The following ANKMY1 variants were observed in gnomAD, a reference collection of about 807,000 sequenced individuals.
The protein encoded by ANKMY1 is ankyrin repeat and MYND domain containing 1.
In ANKMY1, 98 loss-of-function variants were observed where a neutral mutation model predicts 102.0. The observed-to-expected ratio is 0.96, with a 90% confidence interval of 0.82 to 1.14. The LOEUF (loss-of-function observed/expected upper bound fraction) is 1.14, where lower values mean the gene tolerates loss of function less well. Among genes scored for constraint, ANKMY1 ranks in the 50% most tolerant of loss-of-function variants. ANKMY1 has a pLI of 0.00. For synonymous variants in ANKMY1, 582 were observed against 559.9 expected (o/e 1.04, Z -0.56); for missense variants, 1,330 against 1,347.6 (o/e 0.99, Z 0.20).
At chr2:240,480,833 A>C in intron 17 of ANKMY1, 104 bp downstream of exon 17, 9 of 1,429,650 alleles carry the variant, frequency 6.3e-6, no homozygotes, top group Non-Finnish European at 8.4e-6. Context: ...CTGAATCTGG[A>C]GAGATTTTGG....
In ANKMY1 at chr2:240,538,517, C is replaced by T. The variant is rs375932982; in HGVS notation, c.481-9008G>A. ...TCGTGGGGACTCAGCTGCCTCCCCA[C>T]GGGGCAGGGCTCGGGACCTGCAGCG... On this transcript the variant is annotated intron_variant, in intron 4 of 17. Transcript: ENST00000401804. Among the ~76,000 whole-genome samples the T allele has an allele frequency of 1.1e-4, 16 of 152,268 alleles. No homozygotes were observed. In the East Asian group the frequency reaches 1.7e-3, roughly 17 times the overall value.
intron 4 of ANKMY1, among the ~76,000 whole-genome samples, chr2:240,551,198 G>C (rs973559727): frequency 6.6e-6 from 1 of 150,546 alleles, no homozygotes; most frequent in African/African-American, 2.5e-5. Flanking sequence ...TTGTCTTTCA[G>C]AGTCAGGATA....
chr2:240,506,913 C>A lies in ANKMY1; in HGVS notation c.2526+647G>T. ...GGACAGAAGGTGTCTCCAGCGCGGG[C>A]AGGATTTCCCGACTGTGAGCTTCCA... is the stretch of plus-strand genomic sequence containing the variant. On this transcript the variant is annotated intron_variant, in intron 13 of 17. Transcript: ENST00000401804. The surrounding 1 kb of genome is among the most constrained non-coding windows in gnomAD (Gnocchi z 4.9). Among the ~76,000 whole-genome samples, 1 of 152,218 alleles carries A rather than the reference C, an allele frequency of 6.6e-6. No individual in the cohort carries two copies. The highest frequency in any genetic ancestry group is 2.4e-5 in the African/African-American group (1 of 41,540).
chr2:240,510,255 TCCTGCCTC>T (rs372665575), intron 11 of ANKMY1, among the ~76,000 whole-genome samples: 5 of 114,588 alleles, frequency 4.4e-5, no homozygotes, highest in African/African-American at 1.7e-4. Context: ...TCCTTGCCCT[TCCTGCCTC>T]CCTGCCTCCT....
intron 15 of ANKMY1, among the ~76,000 whole-genome samples, chr2:240,494,679 A>G (rs2077025280): frequency 6.6e-6 from 1 of 152,080 alleles, no homozygotes; most frequent in African/African-American, 2.4e-5. Context: ...ACCCAGTGCA[A>G]CCTTCCTTCC....
At chr2:240,555,244 C>T in intron 2 of ANKMY1, 189 bp from the exon 3 acceptor site, 1 of 627,668 alleles carries the variant, frequency 1.6e-6, no homozygotes, top group South Asian at 1.9e-5. Flanking sequence ...TGCCCAAGGC[C>T]ACACAGGAAG....
At chr2:240,496,889 A>G (rs1490592374) in intron 15 of ANKMY1, among the ~76,000 whole-genome samples, 1 of 152,258 alleles carries the variant, frequency 6.6e-6, no homozygotes, top group Non-Finnish European at 1.5e-5. Flanking sequence ...TTCTGACTAC[A>G]GGAGGGCTCT....
downstream of ANKMY1, among the ~76,000 whole-genome samples, chr2:240,476,389 T>A (rs1441383256): frequency 6.6e-6 from 1 of 152,252 alleles, no homozygotes; most frequent in African/African-American, 2.4e-5. Flanking sequence ...CAGAAAACTC[T>A]GCTCAAAAGA....
At chr2:240,486,700 G>T (rs2076098498) in intron 15 of ANKMY1, among the ~76,000 whole-genome samples, 1 of 152,112 alleles carries the variant, frequency 6.6e-6, no homozygotes, top group Non-Finnish European at 1.5e-5. Flanking sequence ...TTTAAATAGA[G>T]ACTGGGTCTC....
chr2:240,510,899 GC>G (rs2080045972), intron 11 of ANKMY1, among the ~76,000 whole-genome samples: 1 of 151,788 alleles, frequency 6.6e-6, no homozygotes, highest in Non-Finnish European at 1.5e-5. Context: ...TGTGTTCACT[GC>G]CCAGGCCTCG....
rs767582184 is a variant in ANKMY1, at chr2:240,499,958, C to A, written c.2806G>T (p.Ala936Ser). 2.0e-5 allele frequency: 32 copies of A among 1,611,020 alleles called. No individual in the cohort carries two copies. The highest frequency in any genetic ancestry group is 2.7e-5 in the Non-Finnish European group (32 of 1,178,668). ...DPTWLYLCKRAELIPSHRMKK... is the reference protein window; with the variant it reads ...DPTWLYLCKRSELIPSHRMKK... ...GAGCAGAGCAGGGCCCACTGCTCAC[C>A]TCTCTTGCACAGGTACAGCCACGTG... The change falls in exon 15 of 18, where the codon GCG becomes TCG. Residue 936 changes from alanine to serine, a missense_variant and splice_region_variant. Transcript: ENST00000401804. This position sits in a 1 kb window ranked among gnomAD's most constrained non-coding sequence, Gnocchi z 4.2.
chr2:240,555,707 G>T (rs1376707868), intron 2 of ANKMY1: 1 of 152,960 alleles, frequency 6.5e-6, no homozygotes, highest in Non-Finnish European at 1.5e-5. Context: ...ACCACAGACG[G>T]ATGGGGCGTC....
chr2:240,526,739 G>T (rs974974892), intron 5 of ANKMY1: 39 of 1,325,866 alleles, frequency 2.9e-5, no homozygotes, highest in Middle Eastern at 2.9e-4. Flanking sequence ...GATTCATCTG[G>T]GTGTTTGCTA....
intron 14 of ANKMY1, 130 bp downstream of exon 14, chr2:240,500,322 A>AGG: frequency 8.5e-7 from 1 of 1,175,706 alleles, no homozygotes; most frequent in Admixed American, 2.5e-5. Context: ...TCTGCAGCCA[A>AGG]GGGGCTGCTC....
At chr2:240,471,112 G>GAA in the ANKMY1 span, among the ~76,000 whole-genome samples, 41 of 150,140 alleles carry the variant, frequency 2.7e-4, no homozygotes, top group South Asian at 6.3e-4. Flanking sequence ...ATCTGGGCAG[G>GAA]AAAAAAAAAA....
intron 15 of ANKMY1, among the ~76,000 whole-genome samples, chr2:240,497,958 G>A (rs1419319980): frequency 2.0e-5 from 3 of 152,162 alleles, no homozygotes; most frequent in African/African-American, 4.8e-5. Context: ...CTGGTCCTCC[G>A]CTCATGGGCC....
chr2:240,557,703 G>A (rs1355698229), intron 1 of ANKMY1, among the ~76,000 whole-genome samples, 178 bp downstream of exon 1: 1 of 152,170 alleles, frequency 6.6e-6, no homozygotes, highest in East Asian at 1.9e-4. Flanking sequence ...GGCCTCTGAA[G>A]CCAGCGCTCG....
At chr2:240,504,958 G>T (rs780500445) in intron 13 of ANKMY1, among the ~76,000 whole-genome samples, 1 of 152,160 alleles carries the variant, frequency 6.6e-6, no homozygotes, top group South Asian at 2.1e-4. Flanking sequence ...CTGCACTCCT[G>T]CCTGGGCGAC....
intron 7 of ANKMY1, 108 bp downstream of exon 7, chr2:240,525,577 C>A: frequency 1.5e-6 from 2 of 1,367,944 alleles, no homozygotes; most frequent in Non-Finnish European, 2.0e-6. Context: ...ATAACTCACC[C>A]TGTACAAGCC....
Sources: allele counts gnomAD v4.1 joint callset (sites outside exome capture counted in the v4.1 genomes callset), GRCh38; gene constraint gnomAD v4.1.1; non-coding constraint Gnocchi (gnomAD v3.1); transcripts MANE v1.5; gene names NCBI Gene and HGNC (gene_info 2026-07-23, HGNC 2026-07-21).